Variants in GC observed in about 807,000 individuals in gnomAD.
GC encodes the protein vitamin D-binding protein.
GC carries 43 observed loss-of-function variants against 56.7 expected under a neutral mutation model. The ratio of observed to expected loss-of-function variants is 0.76; its 90% CI spans 0.59 to 0.98. The LOEUF is 0.98. GC is among the 50% of genes least tolerant of loss of function. The pLI is 0.00. For missense variants in GC, 529 were observed against 545.9 expected (o/e 0.97, Z 0.31); for synonymous variants, 216 against 202.7 (o/e 1.07, Z -0.56).
upstream of GC, among the ~76,000 whole-genome samples, chr4:71,785,161 C>T (rs1383923432): frequency 1.3e-5 from 2 of 151,760 alleles, no homozygotes; most frequent in African/African-American, 4.8e-5. Flanking sequence ...GTACATTTGA[C>T]ACAACATTGC....
At chr4:71,786,677 T>C (rs1181007123), upstream of GC, among the ~76,000 whole-genome samples, 2 of 151,844 alleles carry the variant, frequency 1.3e-5, no homozygotes, top group African/African-American at 4.8e-5. Flanking sequence ...AGATAAAGCC[T>C]GTCTTTAGTT....
chr4:71,778,908 T>TATTATC, intron 1 of GC, among the ~76,000 whole-genome samples: 1 of 147,314 alleles, frequency 6.8e-6, no homozygotes, highest in Non-Finnish European at 1.5e-5. Flanking sequence ...TTATTATTAT[T>TATTATC]ATTATTATTA....
intron 1 of GC, among the ~76,000 whole-genome samples, chr4:71,769,764 TC>T (rs1742287276): frequency 6.6e-6 from 1 of 152,164 alleles, no homozygotes; most frequent in African/African-American, 2.4e-5. Flanking sequence ...CCTCCCTCCT[TC>T]CCACCCTGCT....
chr4:71,784,177 A>ATAAC, upstream of GC: 1 of 1,322,190 alleles, frequency 7.6e-7, no homozygotes, highest in Non-Finnish European at 9.7e-7. Context: ...TTAAACACAG[A>ATAAC]AGCAAGGGGC....
intron 1 of GC, among the ~76,000 whole-genome samples, chr4:71,770,978 T>C (rs1742323337): frequency 6.6e-6 from 1 of 152,106 alleles, no homozygotes; most frequent in Non-Finnish European, 1.5e-5. Context: ...GGCGGACACA[T>C]CAAAGTCAGT....
chr4:71,743,673 C>G (rs1741258385), intron 12 of GC, among the ~76,000 whole-genome samples: 1 of 152,184 alleles, frequency 6.6e-6, no homozygotes, highest in African/African-American at 2.4e-5. Context: ...CTCATTATTT[C>G]TGGATATCAA....
intron 1 of GC, among the ~76,000 whole-genome samples, chr4:71,800,263 G>A (rs1743218103): frequency 6.6e-6 from 1 of 152,064 alleles, no homozygotes; most frequent in South Asian, 2.1e-4. Context: ...CCCGGTGTGT[G>A]TTGTTCCCCT....
intron 1 of GC, among the ~76,000 whole-genome samples, chr4:71,800,597 A>G (rs915161935): frequency 6.6e-6 from 1 of 152,222 alleles, no homozygotes; most frequent in Non-Finnish European, 1.5e-5. Flanking sequence ...GTATATACCC[A>G]GTAATGCGAT....
rs564136558 is a variant in GC, at chr4:71,777,458, A to G, written c.58+6503T>C. The stretch of plus-strand genomic sequence containing the variant: ...ATGGAATGCCAATGTTTTCTATAGG[A>G]TATATACTAGATATTACATTCCAAT... On this transcript the variant is annotated intron_variant, in intron 1 of 12. Coordinates refer to ENST00000273951, the MANE Select transcript of GC (RefSeq NM_000583.4). Among the ~76,000 whole-genome samples, 5 of 151,552 alleles carry G rather than the reference A, an allele frequency of 3.3e-5. No homozygotes were observed. In the East Asian group the frequency reaches 7.8e-4, roughly 24 times the overall value.
chr4:71,757,395 C>T (rs983829201), intron 7 of GC, among the ~76,000 whole-genome samples: 2 of 152,048 alleles, frequency 1.3e-5, no homozygotes, highest in Non-Finnish European at 2.9e-5. Context: ...CACAATGTAT[C>T]TATTACTACA....
rs761251115 is a variant in GC, at chr4:71,765,595, C to T, written c.310G>A (p.Val104Ile). 1.6e-5 allele frequency: 26 copies of T among 1,613,456 alleles called. No homozygotes were observed. Among genetic ancestry groups the T allele is most frequent in the Admixed American group, 3.3e-5 (2 of 59,960 alleles). The change falls in exon 4 of 13, where the codon GTT becomes ATT. Residue 104 changes from valine (V) to isoleucine (I), a missense_variant. Transcript: ENST00000273951. The part of the protein sequence containing the change: ...KSCESNSPFP[V>I]HPGTAECCTK... ...CAGCACTCAGCAGTGCCTGGGTGAA[C>T]GGGGAATGGAGAATTACTTTCACAG...
intron 2 of GC, 26 bp from the exon 3 acceptor site, chr4:71,768,459 C>A: frequency 6.3e-7 from 1 of 1,579,292 alleles, no homozygotes; most frequent in Admixed American, 1.8e-5. Flanking sequence ...GACAATATAT[C>A]AATTAGAACT....
At chr4:71,765,339 G>T in intron 4 of GC, 93 bp downstream of exon 4, 1 of 966,630 alleles carries the variant, frequency 1.0e-6, no homozygotes, top group Non-Finnish European at 1.7e-6. Flanking sequence ...TCAGGTTGCT[G>T]TAGAAGAGGT....
intron 3 of GC, among the ~76,000 whole-genome samples, chr4:71,766,326 G>A (rs1742157431): frequency 6.6e-6 from 1 of 152,170 alleles, no homozygotes; most frequent in South Asian, 2.1e-4. Flanking sequence ...TTTATGTGCA[G>A]GTGCAGTGTA....
intron 1 of GC, among the ~76,000 whole-genome samples, chr4:71,778,871 G>A (rs1450237709): frequency 2.3e-5 from 3 of 130,084 alleles, no homozygotes; most frequent in African/African-American, 8.3e-5. Context: ...GTATCCTCAG[G>A]AAACAGAATA....
At chr4:71,774,513 A>T (rs1300280269) in intron 1 of GC, among the ~76,000 whole-genome samples, 1 of 146,988 alleles carries the variant, frequency 6.8e-6, no homozygotes, top group Non-Finnish European at 1.5e-5. Context: ...ATAGAGGGGG[A>T]GGTTTGCCTC....
At chr4:71,758,602 A>G (rs1741862310) in intron 6 of GC, among the ~76,000 whole-genome samples, 1 of 152,146 alleles carries the variant, frequency 6.6e-6, no homozygotes. Flanking sequence ...GAGTTAACAA[A>G]TGTTCACATT....
intron 1 of GC, among the ~76,000 whole-genome samples, chr4:71,797,559 T>C (rs67543584): frequency 0.12 from 18,231 of 152,108 alleles, 1,512 homozygotes; most frequent in African/African-American, 0.23. Flanking sequence ...TCCTTTTTTT[T>C]CCAGGTACAT....
chr4:71,803,867 A>G (rs1743303968), intron 1 of GC: 1 of 937,106 alleles, frequency 1.1e-6, no homozygotes, highest in African/African-American at 1.6e-5. Flanking sequence ...TTATAAGGAA[A>G]CTAAAGCTCA....
Sources: allele counts gnomAD v4.1 joint callset (sites outside exome capture counted in the v4.1 genomes callset), GRCh38; gene constraint gnomAD v4.1.1; transcripts MANE v1.5; gene names NCBI Gene and HGNC (gene_info 2026-07-23, HGNC 2026-07-21).